ZNF90: variants seen among roughly 807,000 people sequenced by gnomAD.
The protein encoded by ZNF90 is zinc finger protein HTF9.
ZNF90 carries 11 observed loss-of-function variants against 12.0 expected under a neutral mutation model. The observed-to-expected ratio is 0.92, with a 90% CI of 0.58 to 1.52. The LOEUF (loss-of-function observed/expected upper bound fraction) is 1.52. Among genes scored for constraint, ZNF90 ranks in the 40% most tolerant of loss-of-function variants. ZNF90 has a pLI of 0.00. For missense variants in ZNF90, 765 were observed against 711.5 expected, an observed-to-expected ratio of 1.08 and a Z score of -0.86; for synonymous variants, 232 against 240.1, an observed-to-expected ratio of 0.97 and a Z score of 0.31.
intron 1 of ZNF90, among the ~76,000 whole-genome samples, chr19:20,103,281 T>G (rs2089004870): frequency 6.6e-6 from 1 of 152,218 alleles, no homozygotes; most frequent in South Asian, 2.1e-4. Flanking sequence ...AGGAACCTGT[T>G]CTGCTACTTG....
At chr19:20,107,090 CTG>C (rs1203406328) in intron 3 of ZNF90, 2 of 440,212 alleles carry the variant, frequency 4.5e-6, no homozygotes, top group East Asian at 7.0e-5. Context: ...CCTCAGGTAA[CTG>C]TGTGGGTTTC....
In ZNF90 at chr19:20,106,677, T is replaced by C. The variant is rs956555073; in HGVS notation, c.226+1361T>C. On this transcript the variant is annotated intron_variant, in intron 3 of 3. Transcript: ENST00000418063. ...ACCGTGTTAGCCTGGATGGTCTCGA[T>C]CTTCTGACCTCGTGATCCACCCGCC... Among the ~76,000 whole-genome samples, 6 of 152,212 alleles carry C rather than the reference T, an allele frequency of 3.9e-5. No individual in the cohort carries two copies. The East Asian group carries it at 1.2e-3, about 29-fold the overall frequency.
rs1157892593 is a variant in ZNF90, at chr19:20,118,673, A to C, written c.1119A>C (p.Lys373Asn). Residue 373 changes from lysine to asparagine, a missense_variant, in exon 4 of 4, where the codon AAA (lysine) becomes AAC (asparagine). Coordinates refer to ENST00000418063, the MANE Select transcript of ZNF90 (RefSeq NM_007138.2). ...HTGEKPYKCD[K>N]CGKAFISSSL... ...GAGAGAAACCCTACAAGTGTGATAA[A>C]TGTGGCAAAGCATTTATTTCATCCT... The C allele has an allele frequency of 2.6e-6, 4 of 1,568,084 alleles. No homozygotes were observed. The African/African-American group carries it at 4.1e-5, about 16-fold the overall frequency.
At chr19:20,093,652 A>C (rs2088919879) in intron 1 of ZNF90, among the ~76,000 whole-genome samples, 1 of 152,162 alleles carries the variant, frequency 6.6e-6, no homozygotes, top group African/African-American at 2.4e-5. Flanking sequence ...AGTGTTGTCC[A>C]AGTTGGCACC....
At chr19:20,085,271 T>TTTTTTTTC (rs1555701918) in intron 1 of ZNF90, among the ~76,000 whole-genome samples, 3 of 147,286 alleles carry the variant, frequency 2.0e-5, no homozygotes, top group African/African-American at 7.7e-5. Context: ...CATTGGTCTT[T>TTTTTTTTC]TTTTTTTAGA....
At chr19:20,089,291 G>C (rs906818582) in intron 1 of ZNF90, among the ~76,000 whole-genome samples, 2 of 152,126 alleles carry the variant, frequency 1.3e-5, no homozygotes, top group African/African-American at 4.8e-5. Flanking sequence ...ACGAGAAGAG[G>C]GCCTGGGAGG....
At chr19:20,112,566 C>A (rs2089099368) in intron 3 of ZNF90, among the ~76,000 whole-genome samples, 1 of 152,064 alleles carries the variant, frequency 6.6e-6, no homozygotes, top group African/African-American at 2.4e-5. Flanking sequence ...AGGCAATCCA[C>A]CCACCTCGGC....
At chr19:20,083,410 C>T (rs1555701739) in intron 1 of ZNF90, among the ~76,000 whole-genome samples, 3 of 152,012 alleles carry the variant, frequency 2.0e-5, no homozygotes, top group African/African-American at 7.2e-5. Flanking sequence ...TCATTGCAAC[C>T]TTTGACTCCT....
chr19:20,115,128 C>T (rs1390180818), intron 3 of ZNF90, among the ~76,000 whole-genome samples: 1 of 151,974 alleles, frequency 6.6e-6, no homozygotes, highest in Non-Finnish European at 1.5e-5. Flanking sequence ...CTATTGTGAC[C>T]TCTTCTGCTC....
intron 1 of ZNF90, among the ~76,000 whole-genome samples, chr19:20,090,762 G>A (rs782184788): frequency 9.2e-5 from 14 of 152,162 alleles, no homozygotes; most frequent in Non-Finnish European, 1.8e-4. Flanking sequence ...AAGAAAGTGC[G>A]TCCATATAAA....
chr19:20,102,254 C>T (rs2088995418), intron 1 of ZNF90, among the ~76,000 whole-genome samples: 1 of 152,116 alleles, frequency 6.6e-6, no homozygotes, highest in Non-Finnish European at 1.5e-5. Context: ...GTAAACAATC[C>T]CTTCTAACTC....
In ZNF90 at chr19:20,119,569, G is replaced by A. The variant is rs1374118518; in HGVS notation, c.*209G>A. On this transcript the variant is annotated 3_prime_UTR_variant, in exon 4 of 4. Coordinates refer to ENST00000418063, the MANE Select transcript of ZNF90 (RefSeq NM_007138.2). ...TTACTACACATAATTCATACTGGAC[G>A]GAAACTCTACAGGTGTGAAAAATGC... is the stretch of plus-strand genomic sequence containing the variant. 7 of 519,750 alleles carry A rather than the reference G, an allele frequency of 1.3e-5. No individual in the cohort carries two copies. The highest frequency in any genetic ancestry group is 2.0e-5 in the Non-Finnish European group (6 of 299,602). The allele number at this position is 519,750 out of a possible 1,614,324, so 32.2% of individuals were successfully genotyped here. A position where few individuals can be genotyped will look rare whatever the true frequency, so the allele number is the denominator to read the frequency against.
At chr19:20,092,262 G>C (rs1406654799) in intron 1 of ZNF90, among the ~76,000 whole-genome samples, 1 of 152,222 alleles carries the variant, frequency 6.6e-6, no homozygotes, top group Middle Eastern at 3.2e-3. Flanking sequence ...GAGCTGTAGA[G>C]AGTGAGTTGA....
intron 1 of ZNF90, chr19:20,086,997 A>G (rs2088864525): frequency 6.6e-6 from 1 of 152,252 alleles, no homozygotes; most frequent in Non-Finnish European, 1.5e-5. Flanking sequence ...GAACACAGTC[A>G]GATTCTATTT....
At chr19:20,098,601 G>A (rs782067173) in intron 1 of ZNF90, among the ~76,000 whole-genome samples, 2 of 152,200 alleles carry the variant, frequency 1.3e-5, no homozygotes, top group Non-Finnish European at 2.9e-5. Flanking sequence ...AGGAGATCCA[G>A]GTTCTGGAGC....
intron 1 of ZNF90, among the ~76,000 whole-genome samples, chr19:20,085,329 G>A (rs1236421872): frequency 1.3e-5 from 2 of 149,966 alleles, no homozygotes; most frequent in African/African-American, 2.5e-5. Context: ...GCCCGATCTC[G>A]GCTCACTGCA....
At chr19:20,078,184 A>G (rs778644094) in intron 1 of ZNF90, 49 bp downstream of exon 1, 1 of 1,613,074 alleles carries the variant, frequency 6.2e-7, no homozygotes, top group Non-Finnish European at 8.5e-7. Context: ...ACTGGTTGGA[A>G]CCGATGGGAA....
At chr19:20,097,281 C>T (rs2088956103) in intron 1 of ZNF90, among the ~76,000 whole-genome samples, 1 of 152,142 alleles carries the variant, frequency 6.6e-6, no homozygotes, top group African/African-American at 2.4e-5. Context: ...ACATAAGGTG[C>T]CAATGAGAAT....
Position 20,117,806 on chromosome 19 carries a change from C to T in ZNF90, c.252C>T (p.Asp84=), listed in dbSNP as rs1242599332. The T allele has an allele frequency of 3.9e-6, 6 of 1,555,138 alleles. No individual in the cohort carries two copies. The highest frequency in any genetic ancestry group is 5.2e-6 in the Non-Finnish European group (6 of 1,156,326). ...SPVMCFHFAQ[D]LCPEQSLKDS... ...TTATGTGTTTTCATTTTGCCCAAGA[C>T]CTTTGTCCAGAGCAGAGCCTAAAAG... The change falls in exon 4 of 4, where the codon GAC becomes GAT. Residue 84 remains aspartate (D), a synonymous_variant. Transcript: ENST00000418063.
Sources: gnomAD v4.1 joint callset for allele counts (sites outside exome capture counted in the v4.1 genomes callset) on GRCh38, gnomAD v4.1.1 for gene constraint, MANE v1.5 for transcripts, NCBI Gene and HGNC (gene_info 2026-07-23, HGNC 2026-07-21) for gene names.